FLT1: variants seen among roughly 807,000 people sequenced by gnomAD.
The protein encoded by FLT1 is fms related receptor tyrosine kinase 1.
In FLT1, 49 loss-of-function variants were observed where a neutral mutation model predicts 156.3. The ratio of observed to expected loss-of-function variants is 0.31; its 90% CI spans 0.25 to 0.40. The LOEUF (loss-of-function observed/expected upper bound fraction) is 0.40, where lower values mean the gene tolerates loss of function less well. Ranked by LOEUF, FLT1 falls within the 10% of genes least tolerant of loss-of-function variation. The pLI, the probability that FLT1 is intolerant of heterozygous loss-of-function variation, is 1.00. For synonymous variants in FLT1, 594 were observed against 583.8 expected (o/e 1.02, Z -0.25); for missense variants, 1,322 against 1,637.2 (o/e 0.81, Z 3.32).
At chr13:28,387,575 G>T in intron 13 of FLT1, 1 of 1,064,082 alleles carries the variant, frequency 9.4e-7, no homozygotes, top group Non-Finnish European at 1.1e-6. Context: ...CAGTGTTATG[G>T]CCCCAGAGAT....
intron 1 of FLT1, among the ~76,000 whole-genome samples, chr13:28,484,425 T>C (rs1881030952): frequency 6.6e-6 from 1 of 152,218 alleles, no homozygotes; most frequent in African/African-American, 2.4e-5. Flanking sequence ...TAAAGCCATA[T>C]CTAGGAGAGC....
intron 15 of FLT1, among the ~76,000 whole-genome samples, chr13:28,352,132 C>G (rs1418056230): frequency 6.6e-6 from 1 of 152,132 alleles, no homozygotes; most frequent in African/African-American, 2.4e-5. Context: ...AGGTATAGAG[C>G]ATAAAACCTA....
intron 1 of FLT1, among the ~76,000 whole-genome samples, chr13:28,480,855 C>T (rs1187011386): frequency 6.6e-6 from 1 of 152,176 alleles, no homozygotes; most frequent in Non-Finnish European, 1.5e-5. Flanking sequence ...ACCCAGGTCA[C>T]GTTGTGCTTG....
At position 28,335,265 on chromosome 13, in the gene FLT1, C is replaced by CTGGTT. The variant is rs1593689387; in HGVS notation, c.2489-1137_2489-1136insAACCA. 3.3e-5 allele frequency among the ~76,000 whole-genome samples: 5 copies of CTGGTT among 151,994 alleles called. No homozygotes were observed. The East Asian group carries it at 9.6e-4, about 29-fold the overall frequency. Reference sequence around the variant, plus strand: ...TGGGGGAAGGGGAAATGACAGAATACCACTGGTTGGTTAAAACTATTATAA... The same window carrying CTGGTT: ...TGGGGGAAGGGGAAATGACAGAATACTGGTTCACTGGTTGGTTAAAACTATTATAA... On this transcript the variant is annotated intron_variant, in intron 17 of 29. Coordinates refer to ENST00000282397, the MANE Select transcript of FLT1 (RefSeq NM_002019.4).
intron 4 of FLT1, among the ~76,000 whole-genome samples, chr13:28,437,059 G>T (rs1319582377): frequency 6.6e-6 from 1 of 152,206 alleles, no homozygotes; most frequent in South Asian, 2.1e-4. Flanking sequence ...GAGAAGGCAA[G>T]GTATTGGCTC....
intron 12 of FLT1, chr13:28,396,692 A>G (rs1471161901): frequency 1.8e-6 from 1 of 563,554 alleles, no homozygotes. Flanking sequence ...GAATGAAAAA[A>G]TGAGCATACA....
At chr13:28,382,532 T>A (rs1296883423) in intron 14 of FLT1, among the ~76,000 whole-genome samples, 1 of 152,124 alleles carries the variant, frequency 6.6e-6, no homozygotes, top group East Asian at 1.9e-4. Context: ...GGAAGTGACA[T>A]GTTCACAGCT....
intron 13 of FLT1, 21 bp from the exon 14 acceptor site, chr13:28,385,052 G>A (rs760357160): frequency 6.2e-7 from 1 of 1,613,498 alleles, no homozygotes. Flanking sequence ...AAGAAAGGGA[G>A]CTGTGATTAC....
chr13:28,321,386 A>T (rs1481717470), intron 23 of FLT1, 77 bp downstream of exon 23: 5 of 1,500,808 alleles, frequency 3.3e-6, no homozygotes, highest in Admixed American at 1.7e-5. Flanking sequence ...CAGCTGAGGA[A>T]GTGTAAATAT....
chr13:28,390,814 C>G (rs754389431), intron 12 of FLT1, among the ~76,000 whole-genome samples: 1 of 152,226 alleles, frequency 6.6e-6, no homozygotes, highest in Non-Finnish European at 1.5e-5. Context: ...GGCACACTTA[C>G]GGTCAAACTT....
intron 14 of FLT1, among the ~76,000 whole-genome samples, chr13:28,371,159 G>A (rs888307416): frequency 5.3e-5 from 8 of 151,984 alleles, no homozygotes; most frequent in Admixed American, 5.2e-4. Flanking sequence ...TTTTATCTCG[G>A]AAATGCTGGG....
At chr13:28,358,248 T>A (rs924600993) in intron 14 of FLT1, among the ~76,000 whole-genome samples, 1 of 152,220 alleles carries the variant, frequency 6.6e-6, no homozygotes, top group African/African-American at 2.4e-5. Context: ...TCAAAGGAAC[T>A]AATATTTCAT....
At chr13:28,440,982 GTCTT>G (rs1472019057) in intron 3 of FLT1, among the ~76,000 whole-genome samples, 1 of 152,066 alleles carries the variant, frequency 6.6e-6, no homozygotes, top group African/African-American at 2.4e-5. Flanking sequence ...TTATTAAACT[GTCTT>G]TCTAAAATAA....
intron 14 of FLT1, chr13:28,368,115 AT>A: frequency 1.4e-6 from 1 of 719,232 alleles, no homozygotes; most frequent in Non-Finnish European, 1.7e-6. Flanking sequence ...GTTAAGTTTA[AT>A]AGAATAAAAA....
intron 23 of FLT1, 137 bp downstream of exon 23, chr13:28,321,326 A>G: frequency 9.3e-7 from 1 of 1,076,858 alleles, no homozygotes; most frequent in African/African-American, 1.5e-5. Context: ...GATGCCGCTC[A>G]TCTGGACTGT....
intron 3 of FLT1, among the ~76,000 whole-genome samples, chr13:28,451,191 G>A (rs1878913144): frequency 6.6e-6 from 1 of 152,238 alleles, no homozygotes; most frequent in Non-Finnish European, 1.5e-5. Context: ...GGGAGGCCGA[G>A]GTGGGAGGAC....
chr13:28,396,895 G>T (rs767371066), intron 12 of FLT1, 65 bp downstream of exon 12: 2 of 985,866 alleles, frequency 2.0e-6, no homozygotes, highest in South Asian at 2.6e-5. Flanking sequence ...TGCACTAAAA[G>T]CAAACAAGAC....
At chr13:28,430,312 A>G in intron 7 of FLT1, 145 bp from the exon 8 acceptor site, 1 of 683,430 alleles carries the variant, frequency 1.5e-6, no homozygotes, top group East Asian at 2.7e-5. Context: ...CCAAATGTTG[A>G]TCATGAATAG....
At chr13:28,396,576 C>G (rs1262035993) in intron 12 of FLT1, among the ~76,000 whole-genome samples, 2 of 152,032 alleles carry the variant, frequency 1.3e-5, no homozygotes, top group African/African-American at 4.8e-5. Flanking sequence ...TTGGTTAAAA[C>G]AAAAACAAAA....
Sources: allele counts gnomAD v4.1 joint callset (sites outside exome capture counted in the v4.1 genomes callset), GRCh38; gene constraint gnomAD v4.1.1; transcripts MANE v1.5; gene names NCBI Gene and HGNC (gene_info 2026-07-23, HGNC 2026-07-21).